INIP: variants seen among roughly 807,000 people sequenced by gnomAD.
INIP encodes INTS3 and NABP interacting protein, also known as SOSS complex subunit C.
A neutral mutation model predicts 14.0 loss-of-function variants in INIP; 9 were observed. That is an observed-to-expected ratio of 0.64 (90% CI 0.39 to 1.12). INIP has a LOEUF of 1.12. INIP is among the 50% of genes most tolerant of loss of function. INIP has a pLI of 0.01. For synonymous variants in INIP, 37 were observed against 41.5 expected, an observed-to-expected ratio of 0.89 and a Z score of 0.41; for missense variants, 78 against 122.7, an observed-to-expected ratio of 0.64 and a Z score of 1.72.
intron 2 of INIP, among the ~76,000 whole-genome samples, chr9:112,704,283 C>T (rs192587611): frequency 8.7e-4 from 133 of 152,250 alleles, no homozygotes; most frequent in African/African-American, 3.0e-3. Context: ...AGTTCTAAAA[C>T]GGTGAATTAG....
At chr9:112,708,845 C>CTTT (rs763882544) in intron 2 of INIP, among the ~76,000 whole-genome samples, 1 of 144,876 alleles carries the variant, frequency 6.9e-6, no homozygotes, top group African/African-American at 2.5e-5. Context: ...TTTTTATTAA[C>CTTT]TTTTTTTTTT....
chr9:112,697,423 A>C (rs1367107778), intron 2 of INIP, among the ~76,000 whole-genome samples: 1 of 152,212 alleles, frequency 6.6e-6, no homozygotes, highest in Admixed American at 6.5e-5. Flanking sequence ...TTATGTCTAC[A>C]AAAAATTGAA....
At chr9:112,696,818 C>G (rs1210454891) in intron 2 of INIP, among the ~76,000 whole-genome samples, 1 of 152,142 alleles carries the variant, frequency 6.6e-6, no homozygotes, top group Non-Finnish European at 1.5e-5. Flanking sequence ...ACATGAATAG[C>G]CAGATGAAGA....
At chr9:112,700,110 G>A (rs1838240180) in intron 2 of INIP, among the ~76,000 whole-genome samples, 1 of 152,168 alleles carries the variant, frequency 6.6e-6, no homozygotes, top group East Asian at 1.9e-4. Flanking sequence ...GTGTGCCTGG[G>A]CTATGTATCA....
chr9:112,704,270 G>A lies in INIP; in HGVS notation c.26-10037C>T, dbSNP rs112986086. Among the ~76,000 whole-genome samples, 125 of 152,296 alleles carry A rather than the reference G, an allele frequency of 8.2e-4. 1 individual carries two copies. The highest frequency in any genetic ancestry group is 2.9e-3 in the African/African-American group (121 of 41,568). ...CACACACAATGACCGAGTAGACATT[G>A]TGAGTTCTAAAACGGTGAATTAGTC... On this transcript the variant is annotated intron_variant, in intron 2 of 4. Transcript: ENST00000374242.
At chr9:112,689,813 C>T (rs2131280858) in intron 3 of INIP, among the ~76,000 whole-genome samples, 196 bp from the exon 4 acceptor site, 1 of 152,186 alleles carries the variant, frequency 6.6e-6, no homozygotes, top group South Asian at 2.1e-4. Flanking sequence ...TTAACATATC[C>T]ATCACCTCGC....
At chr9:112,716,082 C>CT (rs1243189723) in intron 2 of INIP, among the ~76,000 whole-genome samples, 2 of 151,492 alleles carry the variant, frequency 1.3e-5, no homozygotes, top group Non-Finnish European at 2.9e-5. Flanking sequence ...TTTTCTTTTT[C>CT]TTTTTTTTGA....
rs1389058040 is a variant in INIP at position 112,684,444 on chromosome 9, T to C, written c.*3094A>G. 1 of 151,928 alleles carries C rather than the reference T, an allele frequency of 6.6e-6. No homozygotes were observed. The highest frequency in any genetic ancestry group is 2.4e-5 in the African/African-American group (1 of 41,346). The allele number at this position is 151,928 out of a possible 1,614,324, so 9.4% of individuals were successfully genotyped here. On this transcript the variant is annotated 3_prime_UTR_variant, in exon 5 of 5. Transcript: ENST00000374242. ...GGCATGTGCCTGTAGTCTCAGCTAC[T>C]TGGGAGGCTAAGGGTTGAGGATTGC... is the stretch of plus-strand genomic sequence containing the variant.
Position 112,694,165 on chromosome 9 carries a change from G to A in INIP, c.94C>T (p.Gln32Ter). The A allele has an allele frequency of 6.2e-7, 1 of 1,610,516 alleles. No individual in the cohort carries two copies. Among genetic ancestry groups the A allele is most frequent in the Non-Finnish European group, 8.5e-7 (1 of 1,178,160 alleles). Residue 32 changes from glutamine (Q) to a stop codon, truncating the protein, a stop_gained, in exon 3 of 5, where the codon CAG becomes TAG. Transcript: ENST00000374242. LOFTEE classifies it high-confidence loss of function. ...GGATGATTTGTTGAAGACTGGTTCT[G>A]CATAAGTAGTTTTCTTTTCTCTTTG... ...LDKEKRKLLM[Q>*]NQSSTNHPGA...
intron 2 of INIP, among the ~76,000 whole-genome samples, chr9:112,705,304 A>C (rs1358359544): frequency 2.0e-5 from 3 of 151,994 alleles, no homozygotes; most frequent in African/African-American, 7.2e-5. Context: ...CAATGTCTAA[A>C]TGTTTTTAAA....
At chr9:112,706,600 A>T (rs1838475872) in intron 2 of INIP, among the ~76,000 whole-genome samples, 1 of 151,836 alleles carries the variant, frequency 6.6e-6, no homozygotes. Flanking sequence ...GTTCAAACTT[A>T]CTCTAACTAG....
At chr9:112,695,255 GAAAAAAAA>G (rs60657759) in intron 2 of INIP, among the ~76,000 whole-genome samples, 1 of 64,698 alleles carries the variant, frequency 1.5e-5, no homozygotes, top group East Asian at 5.1e-4. Context: ...CAGAACTACA[GAAAAAAAA>G]AAAAAAAAAA....
intron 2 of INIP, among the ~76,000 whole-genome samples, chr9:112,699,652 C>G (rs777942250): frequency 2.0e-5 from 3 of 152,074 alleles, no homozygotes; most frequent in Non-Finnish European, 2.9e-5. Context: ...TTTCAGGCAT[C>G]TACTGGGGTT....
intron 2 of INIP, among the ~76,000 whole-genome samples, chr9:112,712,411 C>T (rs1292582691): frequency 6.6e-6 from 1 of 152,040 alleles, no homozygotes; most frequent in Non-Finnish European, 1.5e-5. Context: ...CCAGAGTTTC[C>T]ACAATGTCCA....
intron 2 of INIP, among the ~76,000 whole-genome samples, chr9:112,713,472 T>G (rs375852210): frequency 4.8e-4 from 71 of 148,196 alleles, no homozygotes; most frequent in African/African-American, 1.5e-3. Flanking sequence ...GTGGGAGGAT[T>G]TCTTGAGGCC....
chr9:112,688,148 G>A (rs558527730), intron 4 of INIP, among the ~76,000 whole-genome samples: 1 of 152,210 alleles, frequency 6.6e-6, no homozygotes, highest in African/African-American at 2.4e-5. Flanking sequence ...TGCTGGTTGT[G>A]TTTAAATAGA....
intron 2 of INIP, 31 bp from the exon 3 acceptor site, chr9:112,694,264 GAGAA>G (rs112741889): frequency 1.6e-6 from 2 of 1,266,188 alleles, no homozygotes; most frequent in Non-Finnish European, 1.1e-6. Flanking sequence ...GGAGAAAAGG[GAGAA>G]AGAGAGAGTA....
rs58647648 is a variant in INIP at position 112,715,133 on chromosome 9, TACACACACACAC to T, written c.25+1316_25+1327del. ...TAAAATACACACATACATACATACA[TACACACACACAC>T]ACACACACACACACACACACACACA... On this transcript the variant is annotated intron_variant, in intron 2 of 4. Transcript: ENST00000374242. Among the ~76,000 whole-genome samples the T allele has an allele frequency of 5.1e-3, 682 of 133,502 alleles. 9 individuals carry two copies. Among genetic ancestry groups the T allele is most frequent in the Middle Eastern group, 0.019 (5 of 262 alleles). 87.6% of individuals were successfully genotyped at this position (133,502 alleles called of 152,430 possible).
At chr9:112,713,940 C>T (rs192092919) in intron 2 of INIP, among the ~76,000 whole-genome samples, 9 of 150,808 alleles carry the variant, frequency 6.0e-5, no homozygotes, top group East Asian at 3.9e-4. Context: ...GCTGAGATCA[C>T]GCTATTGCAC....
Sources: allele counts gnomAD v4.1 joint callset (sites outside exome capture counted in the v4.1 genomes callset), GRCh38; gene constraint gnomAD v4.1.1; transcripts MANE v1.5; gene names NCBI Gene and HGNC (gene_info 2026-07-23, HGNC 2026-07-21).